Variants in KIF6 observed in about 807,000 individuals in gnomAD.
KIF6 encodes the protein kinesin-like protein KIF6.
Under a neutral mutation model 112.7 loss-of-function variants are expected in KIF6, and 106 were observed. That is an observed-to-expected ratio of 0.94 (90% CI 0.80 to 1.11). The LOEUF is 1.11. Ranked by LOEUF, KIF6 falls within the 50% of genes least tolerant of loss-of-function variation. The probability of loss-of-function intolerance (pLI) is 0.00; values close to 1 mark genes in which losing one functional copy is unlikely to be tolerated. For missense variants in KIF6, 929 were observed against 964.0 expected (o/e 0.96, Z 0.48); for synonymous variants, 339 against 339.9 (o/e 1.00, Z 0.03).
chr6:39,429,751 A>G (rs1309517043), intron 14 of KIF6, among the ~76,000 whole-genome samples: 1 of 152,134 alleles, frequency 6.6e-6, no homozygotes, highest in African/African-American at 2.4e-5. Context: ...TACTAAAAAT[A>G]CAAAAAATTA....
At chr6:39,537,984 C>T (rs371789568) in intron 13 of KIF6, among the ~76,000 whole-genome samples, 2 of 152,216 alleles carry the variant, frequency 1.3e-5, no homozygotes, top group Admixed American at 1.3e-4. Context: ...CCCTATTTAA[C>T]AAATGGTGCT....
intron 3 of KIF6, among the ~76,000 whole-genome samples, chr6:39,668,768 C>A (rs1271885287): frequency 6.6e-6 from 1 of 151,956 alleles, no homozygotes; most frequent in Non-Finnish European, 1.5e-5. Context: ...ACAATTCAGA[C>A]CCTCCTCCAT....
At chr6:39,725,128 C>A (rs1156703316) in intron 1 of KIF6, 117 bp downstream of exon 1, 4 of 718,496 alleles carry the variant, frequency 5.6e-6, no homozygotes, top group Non-Finnish European at 8.7e-6. Flanking sequence ...GGATTCCGGG[C>A]GGCCTCGGCG....
Position 39,540,023 on chromosome 6 carries a change from C to G in KIF6, c.1625G>C (p.Ser542Thr). ...CTGACCTATTTTCTTGTGGAGCAAA[C>G]TGGATCTTTTCCCCAAAATGCTGAA... ...QDFSILGKRS[S>T]LLHKKIGMRE... Residue 542 changes from serine to threonine, a missense_variant, in exon 13 of 23, where the codon AGT becomes ACT. This residue lies in a region of KIF6 where 688 missense variants were observed against 662.7 expected (regional missense o/e 1.04). Coordinates refer to ENST00000287152, the MANE Select transcript of KIF6 (RefSeq NM_145027.6). The G allele has an allele frequency of 6.2e-7, 1 of 1,606,200 alleles. No individual in the cohort carries two copies. Among genetic ancestry groups the G allele is most frequent in the Non-Finnish European group, 8.5e-7 (1 of 1,177,356 alleles).
At chr6:39,605,409 A>T (rs1782829559) in intron 6 of KIF6, among the ~76,000 whole-genome samples, 1 of 152,130 alleles carries the variant, frequency 6.6e-6, no homozygotes, top group Non-Finnish European at 1.5e-5. Context: ...TGGGGCTAAA[A>T]GAACTAACAA....
At chr6:39,671,785 T>A (rs1786829322) in intron 3 of KIF6, among the ~76,000 whole-genome samples, 1 of 152,232 alleles carries the variant, frequency 6.6e-6, no homozygotes, top group Non-Finnish European at 1.5e-5. Flanking sequence ...ATAATATTGA[T>A]AAGAAAAAAG....
chr6:39,533,082 A>G (rs908192042), intron 13 of KIF6, among the ~76,000 whole-genome samples: 26 of 152,230 alleles, frequency 1.7e-4, no homozygotes, highest in Non-Finnish European at 7.3e-5. Flanking sequence ...AGCGTGAGCG[A>G]CGCAGAAGAC....
At chr6:39,422,929 G>A (rs781490973) in intron 14 of KIF6, among the ~76,000 whole-genome samples, 2 of 152,212 alleles carry the variant, frequency 1.3e-5, no homozygotes, top group Non-Finnish European at 1.5e-5. Context: ...ACCCCTGTAC[G>A]ATATCCTAAG....
At chr6:39,525,474 G>A (rs149604116) in intron 13 of KIF6, among the ~76,000 whole-genome samples, 3 of 152,162 alleles carry the variant, frequency 2.0e-5, no homozygotes, top group Non-Finnish European at 4.4e-5. Context: ...AGCCTTTTAG[G>A]CTGGGTGCAA....
chr6:39,337,239 T>C (rs570570880), intron 22 of KIF6, among the ~76,000 whole-genome samples: 21 of 93,038 alleles, frequency 2.3e-4, no homozygotes, highest in East Asian at 1.6e-3. Context: ...TTCTTTCTTT[T>C]TCTTTCTTTT....
chr6:39,594,817 T>C (rs757130105), intron 7 of KIF6, among the ~76,000 whole-genome samples: 10 of 152,230 alleles, frequency 6.6e-5, no homozygotes, highest in Admixed American at 1.3e-4. Context: ...TCCACTCCAA[T>C]TTTTGATCAT....
intron 16 of KIF6, among the ~76,000 whole-genome samples, chr6:39,377,815 C>T (rs1179852316): frequency 6.6e-6 from 1 of 152,122 alleles, no homozygotes; most frequent in African/African-American, 2.4e-5. Flanking sequence ...AGTGAAACAC[C>T]AGCCAGTGGC....
intron 13 of KIF6, among the ~76,000 whole-genome samples, chr6:39,519,509 A>G (rs930049893): frequency 3.3e-5 from 5 of 152,208 alleles, no homozygotes; most frequent in African/African-American, 4.8e-5. Context: ...GCATCCTATG[A>G]CATATTGACA....
chr6:39,346,083 T>TCCCTCTCC (rs1763722082), intron 20 of KIF6, among the ~76,000 whole-genome samples: 3 of 24,826 alleles, frequency 1.2e-4, no homozygotes, highest in African/African-American at 3.5e-4. Context: ...TCTCTCTCTC[T>TCCCTCTCC]CTCCCCCCCC....
chr6:39,724,161 A>G (rs771586054), intron 1 of KIF6, among the ~76,000 whole-genome samples: 4 of 152,342 alleles, frequency 2.6e-5, no homozygotes, highest in Non-Finnish European at 5.9e-5. Flanking sequence ...TTTAAGAAGC[A>G]TAAAAAGTGC....
chr6:39,580,458 T>A (rs1781223131), intron 9 of KIF6, among the ~76,000 whole-genome samples: 1 of 152,036 alleles, frequency 6.6e-6, no homozygotes, highest in African/African-American at 2.4e-5. Context: ...CTTTTCTAAT[T>A]CTTATATATC....
At chr6:39,430,583 G>A (rs773400782) in intron 14 of KIF6, among the ~76,000 whole-genome samples, 1 of 152,208 alleles carries the variant, frequency 6.6e-6, no homozygotes, top group African/African-American at 2.4e-5. Context: ...AATCCTGCCT[G>A]CTCTAATTTT....
intron 3 of KIF6, among the ~76,000 whole-genome samples, chr6:39,673,812 TCTAGCC>T (rs1786978498): frequency 6.6e-6 from 1 of 152,202 alleles, no homozygotes; most frequent in African/African-American, 2.4e-5. Context: ...ATCCAAAATT[TCTAGCC>T]CAGATAAAAA....
chr6:39,420,081 G>T, intron 14 of KIF6, 78 bp from the exon 15 acceptor site: 1 of 991,820 alleles, frequency 1.0e-6, no homozygotes, highest in South Asian at 1.4e-5. Flanking sequence ...ATTTCTTAGA[G>T]GTCACTAAAA....
Sources: allele counts gnomAD v4.1 joint callset (sites outside exome capture counted in the v4.1 genomes callset), GRCh38; gene constraint gnomAD v4.1.1; regional missense constraint gnomAD v4.1.1; transcripts MANE v1.5; gene names NCBI Gene and HGNC (gene_info 2026-07-23, HGNC 2026-07-21).